Variants in CAMKMT observed in about 807,000 individuals in gnomAD.
The protein encoded by CAMKMT is calmodulin-lysine N-methyltransferase, also known as CaM KMT.
CAMKMT carries 53 observed loss-of-function variants against 48.0 expected under a neutral mutation model. The observed-to-expected ratio is 1.10, with a 90% CI of 0.89 to 1.39. The LOEUF is 1.39. Among genes scored for constraint, CAMKMT ranks in the 40% most tolerant of loss-of-function variants. CAMKMT has a pLI of 0.00. For synonymous variants in CAMKMT, 165 were observed against 152.3 expected, an observed-to-expected ratio of 1.08 and a Z score of -0.61; for missense variants, 428 against 402.7, an observed-to-expected ratio of 1.06 and a Z score of -0.54.
intron 8 of CAMKMT, 131 bp from the exon 9 acceptor site, chr2:44,753,924 A>C: frequency 1.5e-6 from 1 of 677,094 alleles, no homozygotes; most frequent in Non-Finnish European, 2.6e-6. Flanking sequence ...GAGACACTTG[A>C]ATGGTAGGAA....
At chr2:44,590,852 G>A (rs1242656591) in intron 3 of CAMKMT, among the ~76,000 whole-genome samples, 1 of 151,590 alleles carries the variant, frequency 6.6e-6, no homozygotes, top group Non-Finnish European at 1.5e-5. Context: ...GAATGGTAAT[G>A]CCTAGGTTTT....
At chr2:44,751,432 C>T (rs1225081769) in intron 8 of CAMKMT, among the ~76,000 whole-genome samples, 1 of 152,150 alleles carries the variant, frequency 6.6e-6, no homozygotes, top group Non-Finnish European at 1.5e-5. Flanking sequence ...GCCTCCATTT[C>T]CTTAGCTGTA....
At chr2:44,492,573 A>G (rs1669560865) in intron 3 of CAMKMT, among the ~76,000 whole-genome samples, 1 of 152,192 alleles carries the variant, frequency 6.6e-6, no homozygotes, top group Non-Finnish European at 1.5e-5. Flanking sequence ...CTAATAGGGC[A>G]AAAGCACTAT....
At chr2:44,578,433 A>G (rs567413822) in intron 3 of CAMKMT, among the ~76,000 whole-genome samples, 5 of 152,326 alleles carry the variant, frequency 3.3e-5, no homozygotes, top group South Asian at 4.1e-4. Context: ...TCACCTAGAA[A>G]AACCCTTATT....
intron 3 of CAMKMT, among the ~76,000 whole-genome samples, chr2:44,413,223 T>G (rs1387455065): frequency 6.6e-6 from 1 of 152,216 alleles, no homozygotes; most frequent in Non-Finnish European, 1.5e-5. Context: ...AGTGATCCTA[T>G]ACATTAAAGT....
intron 3 of CAMKMT, among the ~76,000 whole-genome samples, chr2:44,607,721 ATGAAG>A (rs931274698): frequency 1.1e-4 from 16 of 152,198 alleles, no homozygotes; most frequent in Non-Finnish European, 2.1e-4. Flanking sequence ...GGCTTTTTAA[ATGAAG>A]TCTGTATTTC....
chr2:44,661,346 C>T (rs938823541), intron 3 of CAMKMT, among the ~76,000 whole-genome samples: 12 of 121,632 alleles, frequency 9.9e-5, no homozygotes, highest in South Asian at 2.8e-4. Flanking sequence ...GACGGAGTCT[C>T]GCTCAGCTGC....
At chr2:44,525,462 G>A (rs980822513) in intron 3 of CAMKMT, among the ~76,000 whole-genome samples, 2 of 152,048 alleles carry the variant, frequency 1.3e-5, no homozygotes, top group South Asian at 2.1e-4. Context: ...CACCATATTA[G>A]CCAGGATGGT....
intron 3 of CAMKMT, among the ~76,000 whole-genome samples, chr2:44,509,298 G>GT (rs1670419009): frequency 6.6e-6 from 1 of 151,738 alleles, no homozygotes; most frequent in South Asian, 2.1e-4. Flanking sequence ...CAAAAAAAAA[G>GT]TTTTTTGTTT....
chr2:44,518,944 C>A (rs939369551), intron 3 of CAMKMT, among the ~76,000 whole-genome samples: 2 of 152,074 alleles, frequency 1.3e-5, no homozygotes, highest in East Asian at 3.9e-4. Flanking sequence ...CCAGTATATA[C>A]CTACCATAAT....
At chr2:44,548,133 T>C (rs1469246051) in intron 3 of CAMKMT, among the ~76,000 whole-genome samples, 1 of 152,234 alleles carries the variant, frequency 6.6e-6, no homozygotes, top group African/African-American at 2.4e-5. Context: ...GCTTAGTTCT[T>C]TTATTCAACA....
intron 3 of CAMKMT, among the ~76,000 whole-genome samples, chr2:44,588,171 C>G (rs200600269): frequency 1.8e-4 from 20 of 110,130 alleles, no homozygotes; most frequent in African/African-American, 6.3e-4. Context: ...CCGGCCGCCC[C>G]GTCTGAGAAG....
chr2:44,705,398 T>G (rs1419977711), intron 4 of CAMKMT: 2 of 985,218 alleles, frequency 2.0e-6, no homozygotes, highest in African/African-American at 1.7e-5. Flanking sequence ...ATTTTGAATG[T>G]GGGCTGCAGA....
At chr2:44,549,421 A>C in intron 3 of CAMKMT, 1 of 603,328 alleles carries the variant, frequency 1.7e-6, no homozygotes, top group Non-Finnish European at 2.9e-6. Flanking sequence ...AGGGAAGAGA[A>C]GAACCTCTCT....
intron 3 of CAMKMT, among the ~76,000 whole-genome samples, chr2:44,506,694 G>GT (rs1277930277): frequency 2.6e-5 from 4 of 152,128 alleles, no homozygotes. Context: ...ATTTCACATA[G>GT]TATAAATATA....
intron 3 of CAMKMT, chr2:44,456,745 TA>T: frequency 1.3e-6 from 1 of 771,810 alleles, no homozygotes; most frequent in Non-Finnish European, 1.9e-6. Context: ...ATCCTCATGC[TA>T]AATGTTTTTC....
intron 3 of CAMKMT, among the ~76,000 whole-genome samples, chr2:44,586,713 G>C (rs1277142099): frequency 6.6e-6 from 1 of 152,154 alleles, no homozygotes; most frequent in Non-Finnish European, 1.5e-5. Context: ...TTTATCCATT[G>C]ATGGACATTT....
At chr2:44,490,833 A>C (rs1311925700) in intron 3 of CAMKMT, among the ~76,000 whole-genome samples, 2 of 152,132 alleles carry the variant, frequency 1.3e-5, no homozygotes, top group Non-Finnish European at 2.9e-5. Flanking sequence ...AGAAGAAAAC[A>C]GCAATGAAGT....
At chr2:44,611,276 A>G (rs1015199811) in intron 3 of CAMKMT, among the ~76,000 whole-genome samples, 1 of 152,076 alleles carries the variant, frequency 6.6e-6, no homozygotes, top group African/African-American at 2.4e-5. Context: ...TACTTAAAAT[A>G]CAAAAAATTA....
Sources: allele counts gnomAD v4.1 joint callset (sites outside exome capture counted in the v4.1 genomes callset), GRCh38; gene constraint gnomAD v4.1.1; transcripts MANE v1.5; gene names NCBI Gene and HGNC (gene_info 2026-07-23, HGNC 2026-07-21).